ATP6V1C1: variants seen among roughly 807,000 people sequenced by gnomAD.
ATP6V1C1 encodes V-type proton ATPase subunit C 1.
A neutral mutation model predicts 53.9 loss-of-function variants in ATP6V1C1; 45 were observed. The ratio of observed to expected loss-of-function variants is 0.83; its 90% CI spans 0.66 to 1.07. The LOEUF is 1.07. ATP6V1C1 is among the 50% of genes least tolerant of loss of function. The pLI is 0.00. For missense variants in ATP6V1C1, 315 were observed against 440.3 expected, an observed-to-expected ratio of 0.72 and a Z score of 2.55; for synonymous variants, 153 against 155.2, an observed-to-expected ratio of 0.99 and a Z score of 0.11.
chr8:103,047,773 T>C (rs1045034356), intron 3 of ATP6V1C1, among the ~76,000 whole-genome samples: 14 of 152,226 alleles, frequency 9.2e-5, no homozygotes. Context: ...GGCAACGATA[T>C]GCTTTCTTCC....
chr8:103,051,914 C>T (rs891370736), intron 5 of ATP6V1C1, among the ~76,000 whole-genome samples: 2 of 152,040 alleles, frequency 1.3e-5, no homozygotes, highest in African/African-American at 4.8e-5. Context: ...CTCCCAGTAA[C>T]TTTAGTTATG....
At chr8:103,027,409 G>T (rs904582035) in intron 1 of ATP6V1C1, among the ~76,000 whole-genome samples, 2 of 152,144 alleles carry the variant, frequency 1.3e-5, no homozygotes, top group African/African-American at 4.8e-5. Context: ...GTTTTCTGTG[G>T]TTGCCCCTAT....
Position 103,049,071 on chromosome 8 carries a change from A to G in ATP6V1C1, c.286+116A>G, listed in dbSNP as rs555256160. The G allele has an allele frequency of 2.6e-5, 23 of 884,584 alleles. No individual in the cohort carries two copies. In the African/African-American group the frequency reaches 3.4e-4, roughly 13 times the overall value. 54.8% of individuals were successfully genotyped at this position (884,584 alleles called of 1,614,324 possible). On this transcript the variant is annotated intron_variant, in intron 4 of 12. Coordinates refer to ENST00000518738, the MANE Select transcript of ATP6V1C1 (RefSeq NM_001695.5). Reference sequence around the variant, plus strand: ...GAAAAGGACACTAAATACAATAGAAAGCCATTAAAATACAATTATTATTAC... The same window carrying G: ...GAAAAGGACACTAAATACAATAGAAGGCCATTAAAATACAATTATTATTAC...
At chr8:103,045,305 G>C (rs1283328109) in intron 3 of ATP6V1C1, among the ~76,000 whole-genome samples, 1 of 152,198 alleles carries the variant, frequency 6.6e-6, no homozygotes, top group Admixed American at 6.5e-5. Context: ...GTTACAGAGA[G>C]AGAGAGAGAT....
intron 3 of ATP6V1C1, among the ~76,000 whole-genome samples, chr8:103,042,855 G>A (rs1165032046): frequency 1.3e-5 from 2 of 152,092 alleles, no homozygotes; most frequent in Non-Finnish European, 2.9e-5. Flanking sequence ...ACAATACGTG[G>A]TCTTTTGTGA....
At position 103,068,656 on chromosome 8, in the gene ATP6V1C1, C is replaced by A; in HGVS notation, c.1058C>A (p.Pro353His). 6.2e-7 allele frequency: 1 copy of A among 1,601,688 alleles called. No individual in the cohort carries two copies. Among genetic ancestry groups the A allele is most frequent in the Non-Finnish European group, 8.5e-7 (1 of 1,173,568 alleles). The stretch of plus-strand genomic sequence containing the variant: ...AATTGTCTGTTTTTTCCATAGGCTC[C>A]TATGGATATTCCAGGTTTAAACCTG... Reference protein sequence around the residue: ...DSSAAAIIDAPMDIPGLNLSQ... With the variant: ...DSSAAAIIDAHMDIPGLNLSQ... The change falls in exon 13 of 13, where the codon CCT becomes CAT. Residue 353 changes from proline (P) to histidine (H), a missense_variant. Pro to His is a moderately conservative substitution (Grantham distance 77, BLOSUM62 -2). Coordinates refer to ENST00000518738, the MANE Select transcript of ATP6V1C1 (RefSeq NM_001695.5).
intron 10 of ATP6V1C1, among the ~76,000 whole-genome samples, chr8:103,063,625 T>C (rs1309688599): frequency 6.6e-6 from 1 of 152,214 alleles, no homozygotes; most frequent in Non-Finnish European, 1.5e-5. Flanking sequence ...GTAAGACTTT[T>C]CACTTTCTTG....
At chr8:103,062,190 T>G (rs1817413684) in intron 8 of ATP6V1C1, among the ~76,000 whole-genome samples, 1 of 133,216 alleles carries the variant, frequency 7.5e-6, no homozygotes, top group African/African-American at 2.9e-5. Flanking sequence ...TTTTTTTTTT[T>G]GACAGGGACT....
intron 2 of ATP6V1C1, among the ~76,000 whole-genome samples, chr8:103,041,703 C>G (rs1245593076): frequency 6.6e-6 from 1 of 151,934 alleles, no homozygotes; most frequent in African/African-American, 2.4e-5. Context: ...GAAACCCAGT[C>G]TCTACTAAAA....
At chr8:103,046,598 A>G (rs1361025780) in intron 3 of ATP6V1C1, among the ~76,000 whole-genome samples, 1 of 152,196 alleles carries the variant, frequency 6.6e-6, no homozygotes, top group East Asian at 1.9e-4. Flanking sequence ...TTACCTAGGC[A>G]GTGTGTCAGC....
chr8:103,023,738 T>A (rs2131378558), intron 1 of ATP6V1C1, among the ~76,000 whole-genome samples: 1 of 152,310 alleles, frequency 6.6e-6, no homozygotes, highest in East Asian at 1.9e-4. Flanking sequence ...AACCTGGAGC[T>A]AGAGAAACAC....
intron 1 of ATP6V1C1, among the ~76,000 whole-genome samples, chr8:103,031,841 G>A (rs1267009805): frequency 6.6e-6 from 1 of 151,938 alleles, no homozygotes; most frequent in Admixed American, 6.6e-5. Context: ...AAAGAAGGAA[G>A]TGAAGGCAAA....
chr8:103,026,028 A>G (rs1412864460), intron 1 of ATP6V1C1, among the ~76,000 whole-genome samples: 3 of 152,214 alleles, frequency 2.0e-5, no homozygotes, highest in Non-Finnish European at 4.4e-5. Context: ...ATGAGTGTAG[A>G]TTCAGGGAAT....
rs768835267 is a variant in ATP6V1C1, at chr8:103,051,006, T to A, written c.287-44T>A. The A allele has an allele frequency of 8.1e-6, 11 of 1,350,566 alleles. No homozygotes were observed. The South Asian group carries it at 1.3e-4, about 16-fold the overall frequency. 83.7% of individuals were successfully genotyped at this position (1,350,566 alleles called of 1,614,324 possible). ...TATCGCTGTGTAAAAAACTGAACAA[T>A]TCTATTGTTTTTCTTCAGTAATTAA... On this transcript the variant is annotated intron_variant, in intron 4 of 12. Transcript: ENST00000518738.
rs752848905 is a variant in ATP6V1C1 at position 103,063,231 on chromosome 8, A to G, written c.828+3A>G. The G allele has an allele frequency of 5.1e-6, 8 of 1,567,064 alleles. No homozygotes were observed. Among genetic ancestry groups the G allele is most frequent in the African/African-American group, 4.1e-5 (3 of 73,490 alleles). ...CTACTGATAAGAAAAAACAATTTGTATGTGTTTTTAATATTTAGTATTATC... is the reference window on the plus strand; with the variant it reads ...CTACTGATAAGAAAAAACAATTTGTGTGTGTTTTTAATATTTAGTATTATC... On this transcript the variant is annotated splice_donor_region_variant and intron_variant, in intron 10 of 12. Transcript: ENST00000518738.
intron 8 of ATP6V1C1, among the ~76,000 whole-genome samples, chr8:103,061,433 A>G (rs1166517968): frequency 1.3e-5 from 2 of 152,172 alleles, no homozygotes; most frequent in African/African-American, 4.8e-5. Context: ...GAAAAACTAC[A>G]CTTGCTTTAA....
chr8:103,030,191 A>G (rs1167016719), intron 1 of ATP6V1C1, among the ~76,000 whole-genome samples: 1 of 152,112 alleles, frequency 6.6e-6, no homozygotes. Context: ...TTGTTAGTAC[A>G]AAAGCAATAC....
At chr8:103,034,552 C>T (rs1198621530) in intron 1 of ATP6V1C1, among the ~76,000 whole-genome samples, 2 of 148,480 alleles carry the variant, frequency 1.3e-5, no homozygotes, top group African/African-American at 5.0e-5. Flanking sequence ...TTAAATTGTT[C>T]TTAAATTTCA....
At chr8:103,064,622 A>G (rs1257911074) in intron 10 of ATP6V1C1, 92 bp from the exon 11 acceptor site, 1 of 923,624 alleles carries the variant, frequency 1.1e-6, no homozygotes, top group Non-Finnish European at 1.6e-6. Context: ...TCTTCTATAG[A>G]TTCCTAATAG....
Sources: gnomAD v4.1 joint callset for allele counts (sites outside exome capture counted in the v4.1 genomes callset) on GRCh38, gnomAD v4.1.1 for gene constraint, MANE v1.5 for transcripts, NCBI Gene and HGNC (gene_info 2026-07-23, HGNC 2026-07-21) for gene names.